The following RBM39 variants were observed in gnomAD, a reference collection of about 807,000 sequenced individuals.
The protein encoded by RBM39 is RNA binding motif protein 39.
In RBM39, 12 loss-of-function variants were observed where a neutral mutation model predicts 79.6. The ratio of observed to expected loss-of-function variants is 0.15; its 90% CI spans 0.10 to 0.24. RBM39 has a LOEUF of 0.24. RBM39 is among the 10% of genes least tolerant of loss of function. The probability of loss-of-function intolerance (pLI) is 1.00; values close to 1 mark genes in which losing one functional copy is unlikely to be tolerated. For missense variants in RBM39, 243 were observed against 653.4 expected, an observed-to-expected ratio of 0.37 and a Z score of 6.85; for synonymous variants, 185 against 208.4, an observed-to-expected ratio of 0.89 and a Z score of 0.97.
Position 35,742,073 on chromosome 20 carries a change from C to T in RBM39, c.-146G>A. The T allele has an allele frequency of 5.6e-6, 1 of 179,436 alleles. No homozygotes were observed. The highest frequency in any genetic ancestry group is 1.2e-5 in the Non-Finnish European group (1 of 82,620). The allele number at this position is 179,436 out of a possible 1,614,324, so 11.1% of individuals were successfully genotyped here. A position where few individuals can be genotyped will look rare whatever the true frequency, so the allele number is the denominator to read the frequency against. On this transcript the variant is annotated 5_prime_UTR_variant, in exon 1 of 17. Transcript: ENST00000253363. ...AGGCCCAGGCCGCGGAACCGCCCAG[C>T]CCGAATATCGGGTTCCAAGGACGGC...
intron 14 of RBM39, among the ~76,000 whole-genome samples, chr20:35,706,399 T>A (rs1287515861): frequency 6.6e-6 from 1 of 152,184 alleles, no homozygotes; most frequent in Non-Finnish European, 1.5e-5. Flanking sequence ...TATCACCATT[T>A]CATAGATAAA....
intron 7 of RBM39, 60 bp downstream of exon 7, chr20:35,724,978 T>G: frequency 8.2e-7 from 1 of 1,216,418 alleles, no homozygotes; most frequent in Non-Finnish European, 1.2e-6. Flanking sequence ...GTATTTGATG[T>G]TTACATGTTT....
intron 4 of RBM39, 120 bp downstream of exon 4, chr20:35,731,821 A>G (rs2039399474): frequency 1.1e-6 from 1 of 949,180 alleles, no homozygotes; most frequent in African/African-American, 1.6e-5. Flanking sequence ...CCTTAATTCA[A>G]TACTTTTTAA....
chr20:35,716,575 C>T (rs2037161245), intron 10 of RBM39, among the ~76,000 whole-genome samples, 165 bp downstream of exon 10: 1 of 151,894 alleles, frequency 6.6e-6, no homozygotes, highest in Non-Finnish European at 1.5e-5. Flanking sequence ...GTGAAAAAAA[C>T]TTTTTTGATC....
chr20:35,710,983 C>T (rs2036323248), intron 12 of RBM39, among the ~76,000 whole-genome samples: 1 of 152,106 alleles, frequency 6.6e-6, no homozygotes, highest in Non-Finnish European at 1.5e-5. Context: ...ATATATACTA[C>T]ACGATGAGAA....
chr20:35,717,765 C>A (rs2037335413), intron 9 of RBM39, among the ~76,000 whole-genome samples: 1 of 152,136 alleles, frequency 6.6e-6, no homozygotes, highest in Non-Finnish European at 1.5e-5. Context: ...AGGAGGATCG[C>A]ATGTTAAGGA....
rs1446019849 is a variant in RBM39 at position 35,701,705 on chromosome 20, G to A, written c.*2776C>T. ...GAAGGTGGAGGTTGCAGTGAGCTGA[G>A]ATCGAGCCATTGCACTCCAGCCTGG... On this transcript the variant is annotated 3_prime_UTR_variant, in exon 17 of 17. Coordinates refer to ENST00000253363, the MANE Select transcript of RBM39 (RefSeq NM_184234.3). 6.6e-6 allele frequency: 1 copy of A among 152,396 alleles called. No individual in the cohort carries two copies. The highest frequency in any genetic ancestry group is 2.1e-4 in the South Asian group (1 of 4,818). 9.4% of individuals were successfully genotyped at this position (152,396 alleles called of 1,614,324 possible).
chr20:35,718,933 C>T (rs760657331), intron 9 of RBM39, among the ~76,000 whole-genome samples: 36 of 151,900 alleles, frequency 2.4e-4, no homozygotes, highest in Non-Finnish European at 5.1e-4. Context: ...TGAGCTATCG[C>T]ACTCCAGCCT....
chr20:35,727,422 A>G (rs2038857344), intron 6 of RBM39, among the ~76,000 whole-genome samples: 1 of 150,314 alleles, frequency 6.7e-6, no homozygotes, highest in Admixed American at 6.6e-5. Flanking sequence ...AAAAACACCC[A>G]CAATGCTACC....
intron 9 of RBM39, chr20:35,719,923 G>C: frequency 4.8e-6 from 1 of 208,886 alleles, no homozygotes; most frequent in Non-Finnish European, 1.0e-5. Flanking sequence ...GCTGGGATTA[G>C]AGGGATGCGC....
rs572102658 is a variant in RBM39 at position 35,741,030 on chromosome 20, CTT to C, written c.-13-145_-13-144del. The C allele has an allele frequency of 1.7e-3, 214 of 127,124 alleles. 2 individuals carry two copies. The highest frequency in any genetic ancestry group is 6.3e-3 in the Middle Eastern group (2 of 320). 7.9% of individuals were successfully genotyped at this position (127,124 alleles called of 1,614,324 possible). On this transcript the variant is annotated intron_variant, in intron 1 of 16. Transcript: ENST00000253363. Reference sequence around the variant, plus strand: ...GACGATTCCGTGAGTAAACATTTTTCTTTTTTTTTTTTTTTTTTTTTGAGACG... The same window carrying C: ...GACGATTCCGTGAGTAAACATTTTTCTTTTTTTTTTTTTTTTTTTGAGACG...
At chr20:35,736,651 C>T (rs2039948117) in intron 3 of RBM39, 1 of 459,444 alleles carries the variant, frequency 2.2e-6, no homozygotes, top group African/African-American at 2.0e-5. Context: ...GTAAGTATGA[C>T]AGATTTTTAT....
At chr20:35,711,132 AG>A (rs980184078) in intron 12 of RBM39, among the ~76,000 whole-genome samples, 1 of 152,314 alleles carries the variant, frequency 6.6e-6, no homozygotes, top group Middle Eastern at 3.4e-3. Context: ...CCAGGGTGTA[AG>A]AAAATTGTCT....
chr20:35,739,082 T>A (rs1600663468), intron 2 of RBM39, 65 bp from the exon 3 acceptor site: 2 of 1,283,134 alleles, frequency 1.6e-6, no homozygotes, highest in Non-Finnish European at 2.3e-6. Flanking sequence ...TGTCAAAGGG[T>A]AAAGGGAACA....
At chr20:35,713,194 G>C (rs1290694277) in intron 11 of RBM39, 98 bp from the exon 12 acceptor site, 12 of 1,029,382 alleles carry the variant, frequency 1.2e-5, no homozygotes, top group Non-Finnish European at 1.7e-5. Flanking sequence ...AAAATAAATT[G>C]CAAGGAGGGC....
intron 4 of RBM39, among the ~76,000 whole-genome samples, chr20:35,729,865 CACAT>C: frequency 6.6e-6 from 1 of 151,334 alleles, no homozygotes; most frequent in Non-Finnish European, 1.5e-5. Flanking sequence ...AACACACACA[CACAT>C]ATATAAAAAA....
At chr20:35,730,267 T>G (rs1399574818) in intron 4 of RBM39, among the ~76,000 whole-genome samples, 1 of 152,192 alleles carries the variant, frequency 6.6e-6, no homozygotes, top group African/African-American at 2.4e-5. Flanking sequence ...AGTAACAGTT[T>G]TTGTGACTTT....
chr20:35,722,875 A>G (rs1196023921), intron 8 of RBM39, among the ~76,000 whole-genome samples: 1 of 151,576 alleles, frequency 6.6e-6, no homozygotes, highest in East Asian at 1.9e-4. Flanking sequence ...CGGAGCTTGC[A>G]GTGAGCCAAG....
intron 1 of RBM39, among the ~76,000 whole-genome samples, chr20:35,741,096 G>A (rs966927655): frequency 1.6e-5 from 2 of 122,896 alleles, no homozygotes; most frequent in East Asian, 5.2e-4. Context: ...GTGCAGTAGC[G>A]CGATCTCGGC....
Sources: allele counts gnomAD v4.1 joint callset (sites outside exome capture counted in the v4.1 genomes callset), GRCh38; gene constraint gnomAD v4.1.1; transcripts MANE v1.5; gene names NCBI Gene and HGNC (gene_info 2026-07-23, HGNC 2026-07-21).